PNPLA3: variants seen among roughly 807,000 people sequenced by gnomAD.
PNPLA3 encodes 1-acylglycerol-3-phosphate O-acyltransferase PNPLA3.
In PNPLA3, 42 loss-of-function variants were observed where a neutral mutation model predicts 43.1. The observed-to-expected ratio is 0.97, with a 90% confidence interval of 0.76 to 1.26. The LOEUF is 1.26. Ranked by LOEUF, PNPLA3 falls within the 50% of genes most tolerant of loss-of-function variation. The probability of loss-of-function intolerance (pLI) is 0.00; values close to 1 mark genes in which losing one functional copy is unlikely to be tolerated. For missense variants in PNPLA3, 647 were observed against 621.4 expected (o/e 1.04, Z -0.44); for synonymous variants, 272 against 253.6 (o/e 1.07, Z -0.69).
intron 3 of PNPLA3, among the ~76,000 whole-genome samples, chr22:43,932,604 A>G (rs1360030351): frequency 6.6e-6 from 1 of 152,214 alleles, no homozygotes; most frequent in Admixed American, 6.5e-5. Context: ...CATGGACTCC[A>G]GTTTCCATCT....
chr22:43,927,304 A>G, intron 2 of PNPLA3, 137 bp downstream of exon 2: 2 of 679,884 alleles, frequency 2.9e-6, no homozygotes, highest in South Asian at 1.8e-5. Flanking sequence ...CTCGAGACCA[A>G]CATGATGAAA....
chr22:43,937,336 A>C (rs959239698), intron 6 of PNPLA3, 64 bp downstream of exon 6: 5 of 1,472,964 alleles, frequency 3.4e-6, no homozygotes, highest in Non-Finnish European at 4.7e-6. Flanking sequence ...TTATGGAGGA[A>C]GATGGTACTG....
At chr22:43,932,740 C>A in intron 3 of PNPLA3, 138 bp from the exon 4 acceptor site, 1 of 734,894 alleles carries the variant, frequency 1.4e-6, no homozygotes, top group Non-Finnish European at 2.3e-6. Flanking sequence ...AGGAGTGATT[C>A]CAAAGCCAAT....
intron 7 of PNPLA3, among the ~76,000 whole-genome samples, chr22:43,942,994 C>G (rs2050041332): frequency 6.6e-6 from 1 of 152,064 alleles, no homozygotes; most frequent in Non-Finnish European, 1.5e-5. Flanking sequence ...CCGTGTCTGA[C>G]TTTCTCTCTT....
chr22:43,937,266 G>A lies in PNPLA3; in HGVS notation c.973G>A (p.Ala325Thr), dbSNP rs141683049. ...CCTGGACACCCTCTCGCCCAGGCTC[G>A]CTACAGGTACCCACTCCTCGGGGTG... is the stretch of plus-strand genomic sequence containing the variant. Reference protein sequence around the residue: ...SILDTLSPRLATALSEEMKDK... With the variant: ...SILDTLSPRLTTALSEEMKDK... Residue 325 changes from alanine (A) to threonine (T), a missense_variant, in exon 6 of 9, where the codon GCT (alanine) becomes ACT (threonine). Coordinates refer to ENST00000216180, the MANE Select transcript of PNPLA3 (RefSeq NM_025225.3). 3.5e-5 allele frequency: 56 copies of A among 1,613,570 alleles called. No individual in the cohort carries two copies. The highest frequency in any genetic ancestry group is 1.2e-4 in the African/African-American group (9 of 75,058).
chr22:43,939,443 C>T, intron 6 of PNPLA3: 7 of 954,618 alleles, frequency 7.3e-6, no homozygotes, highest in Non-Finnish European at 8.7e-6. Flanking sequence ...GGAGTGGGGA[C>T]CCTATGCTCC....
Position 43,928,858 on chromosome 22 carries a change from G to C in PNPLA3, c.455G>C (p.Ser152Thr), listed in dbSNP as rs2049942704. 6.2e-7 allele frequency: 1 copy of C among 1,612,524 alleles called. No homozygotes were observed. Among genetic ancestry groups the C allele is most frequent in the Non-Finnish European group, 8.5e-7 (1 of 1,178,692 alleles). Reference protein sequence around the residue: ...LVCSCFIPFYSGLIPPSFRGV... With the variant: ...LVCSCFIPFYTGLIPPSFRGV... ...TGTTCCTGCTTCATCCCCTTCTACAGTGGCCTTATCCCTCCTTCCTTCAGA... is the reference window on the plus strand; with the variant it reads ...TGTTCCTGCTTCATCCCCTTCTACACTGGCCTTATCCCTCCTTCCTTCAGA... The change falls in exon 3 of 9, where the codon AGT becomes ACT. Residue 152 changes from serine to threonine, a missense_variant. Physicochemically the swap from Ser to Thr is moderately conservative, Grantham distance 58. Coordinates refer to ENST00000216180, the MANE Select transcript of PNPLA3 (RefSeq NM_025225.3).
At position 43,926,920 on chromosome 22, in the gene PNPLA3, G is replaced by A. The variant is rs762239989; in HGVS notation, c.188-15G>A. 6.2e-7 allele frequency: 1 copy of A among 1,609,574 alleles called. No individual in the cohort carries two copies. The highest frequency in any genetic ancestry group is 1.3e-5 in the African/African-American group (1 of 74,976). ...GTGTGGTACATTCTTTCATGTATTTGTCTCCTGTCCCCAGAGCAGACTCTG... is the reference window on the plus strand; with the variant it reads ...GTGTGGTACATTCTTTCATGTATTTATCTCCTGTCCCCAGAGCAGACTCTG... On this transcript the variant is annotated splice_polypyrimidine_tract_variant and intron_variant, in intron 1 of 8. Coordinates refer to ENST00000216180, the MANE Select transcript of PNPLA3 (RefSeq NM_025225.3).
Position 43,932,883 on chromosome 22 carries a change from T to C in PNPLA3, c.492T>C (p.Tyr164=). 6.2e-7 allele frequency: 1 copy of C among 1,614,166 alleles called. No individual in the cohort carries two copies. Among genetic ancestry groups the C allele is most frequent in the Non-Finnish European group, 8.5e-7 (1 of 1,179,986 alleles). ...LIPPSFRGVR[Y]VDGGVSDNVP... ...TTTTTCCCCTTCTTTAAAAGCGATA[T>C]GTGGATGGAGGAGTGAGTGACAACG... Residue 164 remains tyrosine, a synonymous_variant, in exon 4 of 9, where the codon TAT becomes TAC. Transcript: ENST00000216180.
intron 1 of PNPLA3, among the ~76,000 whole-genome samples, chr22:43,926,201 C>T (rs532966864): frequency 6.6e-6 from 1 of 152,322 alleles, no homozygotes; most frequent in South Asian, 2.1e-4. Context: ...CAATTCCACC[C>T]CTCTGGCCAC....
chr22:43,946,426 A>G lies in PNPLA3; in HGVS notation c.*44A>G. ...TCTAGCAGATTCTTTCAGAGGTGCT[A>G]AAGTTTCCCATCTTTGTGCAGCTAC... On this transcript the variant is annotated 3_prime_UTR_variant, in exon 9 of 9. Transcript: ENST00000216180. The G allele has an allele frequency of 6.4e-7, 1 of 1,565,374 alleles. No homozygotes were observed. Among genetic ancestry groups the G allele is most frequent in the Non-Finnish European group, 8.8e-7 (1 of 1,136,204 alleles).
chr22:43,946,147 G>A lies in PNPLA3; in HGVS notation c.1218-7G>A, dbSNP rs762674387. On this transcript the variant is annotated splice_polypyrimidine_tract_variant and splice_region_variant and intron_variant, in intron 8 of 8. Transcript: ENST00000216180. Reference sequence around the variant, plus strand: ...GCCTCTAAGCCAACTTCCTCCATGTGTTTCAGGTCCCAAATGCCAGTGAGC... The same window carrying A: ...GCCTCTAAGCCAACTTCCTCCATGTATTTCAGGTCCCAAATGCCAGTGAGC... 3.5e-5 allele frequency: 56 copies of A among 1,611,642 alleles called. No individual in the cohort carries two copies. Among genetic ancestry groups the A allele is most frequent in the Non-Finnish European group, 4.6e-5 (54 of 1,178,050 alleles).
At chr22:43,941,803 A>G (rs1009280827) in intron 7 of PNPLA3, among the ~76,000 whole-genome samples, 7 of 151,926 alleles carry the variant, frequency 4.6e-5, no homozygotes, top group Non-Finnish European at 8.8e-5. Flanking sequence ...AAAAAAAAAA[A>G]TTACCCTGGT....
chr22:43,939,962 G>A (rs911566723), intron 6 of PNPLA3, 31 bp from the exon 7 acceptor site: 15 of 1,613,982 alleles, frequency 9.3e-6, no homozygotes, highest in Non-Finnish European at 1.3e-5. Flanking sequence ...CACAGTGGTG[G>A]GAGATAATAG....
intron 2 of PNPLA3, 64 bp from the exon 3 acceptor site, chr22:43,928,760 T>C (rs1391588250): frequency 1.3e-6 from 2 of 1,482,936 alleles, no homozygotes; most frequent in East Asian, 2.3e-5. Flanking sequence ...AGAAAGCTTA[T>C]GAAGGATCAG....
chr22:43,930,301 G>C (rs1309780759), intron 3 of PNPLA3, among the ~76,000 whole-genome samples: 1 of 152,192 alleles, frequency 6.6e-6, no homozygotes, highest in East Asian at 1.9e-4. Context: ...TCAGAACAGG[G>C]CATGTCTTGG....
At position 43,934,482 on chromosome 22, in the gene PNPLA3, C is replaced by G. The variant is rs558800522; in HGVS notation, c.697-124C>G. On this transcript the variant is annotated intron_variant, in intron 4 of 8. Coordinates refer to ENST00000216180, the MANE Select transcript of PNPLA3 (RefSeq NM_025225.3). ...TGCTCAGCCCCCAGGTGGCTCAGTG[C>G]CCCCAGCCAGCAGACTCAGAGCTTG... The G allele has an allele frequency of 1.1e-5, 11 of 977,620 alleles. No individual in the cohort carries two copies. The Admixed American group carries it at 1.2e-4, about 10-fold the overall frequency. 60.6% of individuals were successfully genotyped at this position (977,620 alleles called of 1,614,324 possible). A position where few individuals can be genotyped will look rare whatever the true frequency, so the allele number is the denominator to read the frequency against.
intron 7 of PNPLA3, among the ~76,000 whole-genome samples, chr22:43,943,498 G>T (rs1015060890): frequency 6.6e-6 from 1 of 152,104 alleles, no homozygotes; most frequent in Admixed American, 6.6e-5. Flanking sequence ...GGCTCCCCGT[G>T]CTCTGCCTGT....
At chr22:43,928,358 G>A (rs1042859060) in intron 2 of PNPLA3, among the ~76,000 whole-genome samples, 1 of 152,210 alleles carries the variant, frequency 6.6e-6, no homozygotes, top group Non-Finnish European at 1.5e-5. Flanking sequence ...CAGCAGAGCA[G>A]CAGCTCCTTT....
Sources: gnomAD v4.1 joint callset for allele counts (sites outside exome capture counted in the v4.1 genomes callset) on GRCh38, gnomAD v4.1.1 for gene constraint, MANE v1.5 for transcripts, NCBI Gene and HGNC (gene_info 2026-07-23, HGNC 2026-07-21) for gene names.